CCDC195: variants seen among roughly 807,000 people sequenced by gnomAD.
CCDC195 encodes coiled-coil domain-containing protein 195.
At chr2:224,709,904 C>A in intron 2 of CCDC195, 69 bp downstream of exon 2, 1 of 398,232 alleles carries the variant, frequency 2.5e-6, no homozygotes. Context: ...CTTCATTTAT[C>A]CAGGGGAAAG....
At chr2:224,712,456 C>G (rs1270357751) in intron 1 of CCDC195, among the ~76,000 whole-genome samples, 3 of 152,232 alleles carry the variant, frequency 2.0e-5, no homozygotes, top group Non-Finnish European at 4.4e-5. Flanking sequence ...ATTTACCCAG[C>G]AAGGATTCAT....
chr2:224,716,325 A>G (rs772428843), exon 1 of CCDC195: 3 of 398,452 alleles, frequency 7.5e-6, no homozygotes, highest in Non-Finnish European at 1.3e-5. Context: ...CTCTGCCCGC[A>G]TTTCCTGGAT....
chr2:224,710,178 C>T (rs1457721913), exon 2 of CCDC195: 6 of 398,438 alleles, frequency 1.5e-5, no homozygotes, highest in Admixed American at 8.8e-5. Flanking sequence ...GATGAGCAAA[C>T]TGATGATGAA....
intron 2 of CCDC195, among the ~76,000 whole-genome samples, chr2:224,706,142 T>C (rs1426195529): frequency 6.6e-6 from 1 of 151,344 alleles, no homozygotes; most frequent in Non-Finnish European, 1.5e-5. Flanking sequence ...ATGAAGAGTT[T>C]TGTTTTTAAA....
exon 2 of CCDC195, chr2:224,710,189 A>G (rs920708119): frequency 1.5e-5 from 6 of 398,508 alleles, no homozygotes; most frequent in Non-Finnish European, 2.7e-5. Context: ...TGATGATGAA[A>G]TGGAATAGCG....
At chr2:224,708,650 G>T (rs996262136) in intron 2 of CCDC195, among the ~76,000 whole-genome samples, 1 of 152,128 alleles carries the variant, frequency 6.6e-6, no homozygotes, top group Non-Finnish European at 1.5e-5. Flanking sequence ...GAAGTCCAGT[G>T]CCCTTTCCAA....
At chr2:224,716,237 C>G (rs565353808) in exon 1 of CCDC195, 51 of 398,682 alleles carry the variant, frequency 1.3e-4, no homozygotes, top group African/African-American at 9.0e-4. Context: ...CTGATTCTCT[C>G]CCTGAGCCTG....
intron 1 of CCDC195, among the ~76,000 whole-genome samples, chr2:224,715,690 T>A (rs1175315442): frequency 6.6e-6 from 1 of 152,208 alleles, no homozygotes; most frequent in African/African-American, 2.4e-5. Flanking sequence ...GTCAAGTGGC[T>A]GAAGTGGTCA....
At chr2:224,706,710 A>G (rs1697244571) in intron 2 of CCDC195, among the ~76,000 whole-genome samples, 1 of 151,218 alleles carries the variant, frequency 6.6e-6, no homozygotes, top group Non-Finnish European at 1.5e-5. Flanking sequence ...GGGTTTCACC[A>G]TGTTGGTCAG....
At chr2:224,707,079 C>T (rs1689212734) in intron 2 of CCDC195, among the ~76,000 whole-genome samples, 1 of 152,100 alleles carries the variant, frequency 6.6e-6, no homozygotes, top group Non-Finnish European at 1.5e-5. Flanking sequence ...CTTTGATGCA[C>T]ATCTAGAAAT....
chr2:224,711,511 T>C (rs780532620), intron 1 of CCDC195, among the ~76,000 whole-genome samples: 7 of 152,230 alleles, frequency 4.6e-5, no homozygotes, highest in Non-Finnish European at 1.0e-4. Context: ...GTCTGGTGAT[T>C]ATCCAACATC....
chr2:224,706,789 C>T, intron 2 of CCDC195, among the ~76,000 whole-genome samples: 1 of 151,184 alleles, frequency 6.6e-6, no homozygotes, highest in East Asian at 1.9e-4. Flanking sequence ...GGATTACAGG[C>T]ATGAGCCACC....
chr2:224,708,359 C>G (rs879485378), intron 2 of CCDC195, among the ~76,000 whole-genome samples: 5 of 152,256 alleles, frequency 3.3e-5, no homozygotes, highest in Middle Eastern at 6.8e-3. Flanking sequence ...TAGCATTCCA[C>G]GAGTGGCCTT....
chr2:224,716,144 C>T (rs968118811), exon 1 of CCDC195: 7 of 398,626 alleles, frequency 1.8e-5, no homozygotes, highest in Non-Finnish European at 3.1e-5. Context: ...GGTGTTCCTG[C>T]ACTGCTGGTG....
At chr2:224,708,129 A>T (rs1689251693) in intron 2 of CCDC195, among the ~76,000 whole-genome samples, 1 of 151,936 alleles carries the variant, frequency 6.6e-6, no homozygotes, top group Admixed American at 6.6e-5. Flanking sequence ...TGCTGGAATT[A>T]CAGGCTTGAG....
intron 2 of CCDC195, among the ~76,000 whole-genome samples, chr2:224,706,159 T>C (rs1697237553): frequency 6.7e-6 from 1 of 149,980 alleles, no homozygotes. Context: ...TAAACATTTT[T>C]ACTTTGTATA....
intron 1 of CCDC195, among the ~76,000 whole-genome samples, chr2:224,712,423 C>T (rs1689327214): frequency 6.6e-6 from 1 of 152,210 alleles, no homozygotes; most frequent in East Asian, 1.9e-4. Flanking sequence ...TATTTGTGCA[C>T]TATTACAGAT....
chr2:224,703,872 T>G, exon 3 of CCDC195: 2 of 398,592 alleles, frequency 5.0e-6, no homozygotes, highest in Non-Finnish European at 8.8e-6. Flanking sequence ...GGAAACTGAC[T>G]GCCTTTGTCT....
chr2:224,710,097 G>C, exon 2 of CCDC195: 1 of 398,580 alleles, frequency 2.5e-6, no homozygotes, highest in Non-Finnish European at 4.4e-6. Flanking sequence ...AATGACTTCA[G>C]TGTTCTCTGA....
Sources: gnomAD v4.1 joint callset for allele counts (sites outside exome capture counted in the v4.1 genomes callset) on GRCh38, gnomAD v4.1.1 for gene constraint, MANE v1.5 for transcripts, NCBI Gene and HGNC (gene_info 2026-07-23, HGNC 2026-07-21) for gene names.